The following NXNL2 variants were observed in gnomAD, a reference collection of about 807,000 sequenced individuals.
NXNL2 encodes the protein nucleoredoxin-like protein 2.
Under a neutral mutation model 11.1 loss-of-function variants are expected in NXNL2, and 7 were observed. The ratio of observed to expected loss-of-function variants is 0.63; its 90% confidence interval spans 0.36 to 1.18. The LOEUF is 1.18. NXNL2 is among the 50% of genes most tolerant of loss of function. NXNL2 has a pLI of 0.02. For missense variants in NXNL2, 233 were observed against 217.7 expected (o/e 1.07, Z -0.44); for synonymous variants, 109 against 101.8 (o/e 1.07, Z -0.42).
downstream of NXNL2, among the ~76,000 whole-genome samples, chr9:88,546,970 G>A (rs112627118): frequency 1.2e-4 from 18 of 151,928 alleles, no homozygotes; most frequent in East Asian, 1.9e-4. Context: ...TATTTTTTCC[G>A]TGTGTACACA....
At chr9:88,542,606 T>C (rs1304950299) in intron 1 of NXNL2, among the ~76,000 whole-genome samples, 1 of 152,194 alleles carries the variant, frequency 6.6e-6, no homozygotes, top group African/African-American at 2.4e-5. Context: ...TGGTTTCTTA[T>C]TGGTTTCCAA....
At chr9:88,568,789 G>A (rs1429366511) in intron 1 of NXNL2, among the ~76,000 whole-genome samples, 2 of 152,066 alleles carry the variant, frequency 1.3e-5, no homozygotes, top group Non-Finnish European at 1.5e-5. Flanking sequence ...GAATCCTGTT[G>A]TTTTTACATG....
chr9:88,576,812 G>A (rs919645560), downstream of NXNL2, among the ~76,000 whole-genome samples: 3 of 152,170 alleles, frequency 2.0e-5, no homozygotes, highest in East Asian at 1.9e-4. Context: ...TCTCTGGGAC[G>A]TAAGAGCCTG....
rs1829578689 is a variant in NXNL2 at position 88,535,311 on chromosome 9, T to C, written c.-124T>C. On this transcript the variant is annotated 5_prime_UTR_variant, in exon 1 of 2. Transcript: ENST00000375854. Reference sequence around the variant, plus strand: ...GTGTGGGCGCATCTGGGGCAGGTCTTGAGAGGTCCAGCGCCCGGTGGTGCG... The same window carrying C: ...GTGTGGGCGCATCTGGGGCAGGTCTCGAGAGGTCCAGCGCCCGGTGGTGCG... 1 of 983,052 alleles carries C rather than the reference T, an allele frequency of 1.0e-6. No homozygotes were observed. The highest frequency in any genetic ancestry group is 1.7e-5 in the African/African-American group (1 of 60,178). The allele number at this position is 983,052 out of a possible 1,614,324, so 60.9% of individuals were successfully genotyped here.
At chr9:88,569,093 A>T (rs1830222492) in intron 1 of NXNL2, among the ~76,000 whole-genome samples, 1 of 151,888 alleles carries the variant, frequency 6.6e-6, no homozygotes, top group South Asian at 2.1e-4. Context: ...CACCAGGATA[A>T]TTTTTTTGTA....
At chr9:88,541,660 G>A (rs1829764476) in intron 1 of NXNL2, among the ~76,000 whole-genome samples, 1 of 152,154 alleles carries the variant, frequency 6.6e-6, no homozygotes, top group East Asian at 1.9e-4. Flanking sequence ...TCCTATGTCA[G>A]TAATTTTTGT....
chr9:88,580,240 A>G (rs762608971), downstream of NXNL2, among the ~76,000 whole-genome samples: 1 of 146,820 alleles, frequency 6.8e-6, no homozygotes, highest in Non-Finnish European at 1.5e-5. Context: ...TACAACTTCT[A>G]CTTCCTGGGT....
At chr9:88,548,877 C>T (rs1305202546), downstream of NXNL2, among the ~76,000 whole-genome samples, 4 of 151,978 alleles carry the variant, frequency 2.6e-5, no homozygotes, top group Non-Finnish European at 5.9e-5. Context: ...TGGGGTGGAG[C>T]CCTCATAAAT....
intron 1 of NXNL2, among the ~76,000 whole-genome samples, chr9:88,539,244 A>G (rs1468512189): frequency 6.6e-6 from 1 of 152,200 alleles, no homozygotes; most frequent in Non-Finnish European, 1.5e-5. Flanking sequence ...CTGGGACCCC[A>G]TATTGTTCCT....
At position 88,544,505 on chromosome 9, in the gene NXNL2, C is replaced by G; in HGVS notation, c.429C>G (p.Asp143Glu). 2 of 1,550,576 alleles carry G rather than the reference C, an allele frequency of 1.3e-6. No individual in the cohort carries two copies. Among genetic ancestry groups the G allele is most frequent in the Non-Finnish European group, 1.7e-6 (2 of 1,146,426 alleles). ...IRERGLACFQ[D>E]WVEAADIFQN... The stretch of plus-strand genomic sequence containing the variant: ...AACGGGGGTTGGCCTGCTTCCAGGA[C>G]TGGGTGGAGGCGGCCGATATCTTCC... The change falls in exon 2 of 2, where the codon GAC becomes GAG. Residue 143 changes from aspartate (D) to glutamate (E), a missense_variant. Transcript: ENST00000375854.
intron 1 of NXNL2, among the ~76,000 whole-genome samples, chr9:88,569,768 A>C (rs947658298): frequency 2.0e-5 from 3 of 152,194 alleles, no homozygotes. Context: ...ATAGATTCTT[A>C]ATTTGAATTT....
chr9:88,535,766 C>A lies in NXNL2; in HGVS notation c.302+30C>A, dbSNP rs542959555. On this transcript the variant is annotated intron_variant, in intron 1 of 1. Transcript: ENST00000375854. ...GTGGGGGTCCTGGGGGGGCGGGGGC[C>A]GCCCGGCACGTCTCCCCCATGTTCC... 9.4e-5 allele frequency: 142 copies of A among 1,508,354 alleles called. 2 individuals are homozygous for A. The South Asian group carries it at 1.8e-3, about 19-fold the overall frequency. The allele number at this position is 1,508,354 out of a possible 1,614,324, so 93.4% of individuals were successfully genotyped here. A position where few individuals can be genotyped will look rare whatever the true frequency, so the allele number is the denominator to read the frequency against.
Position 88,535,753 on chromosome 9 carries a change from G to GGGGGGC in NXNL2, c.302+24_302+29dup, listed in dbSNP as rs1564064825. 1.3e-6 allele frequency: 2 copies of GGGGGGC among 1,533,140 alleles called. No homozygotes were observed. The highest frequency in any genetic ancestry group is 2.5e-5 in the South Asian group (2 of 79,308). 95.0% of individuals were successfully genotyped at this position (1,533,140 alleles called of 1,614,324 possible). A position where few individuals can be genotyped will look rare whatever the true frequency, so the allele number is the denominator to read the frequency against. On this transcript the variant is annotated intron_variant, in intron 1 of 1. Coordinates refer to ENST00000375854, the MANE Select transcript of NXNL2 (RefSeq NM_001161625.2). ...CTACCGGCAGTGAGTGGGGGTCCTG[G>GGGGGGC]GGGGGCGGGGGCCGCCCGGCACGTC...
At chr9:88,570,585 C>T (rs977288727) in intron 1 of NXNL2, among the ~76,000 whole-genome samples, 31 of 151,276 alleles carry the variant, frequency 2.0e-4, no homozygotes, top group African/African-American at 7.3e-4. Flanking sequence ...ATGATCACAC[C>T]TATCTCATAA....
At chr9:88,581,997 C>T (rs989699814) in intron 1 of NXNL2, among the ~76,000 whole-genome samples, 3 of 152,174 alleles carry the variant, frequency 2.0e-5, no homozygotes, top group African/African-American at 4.8e-5. Context: ...TTATGGACTT[C>T]GGCTTCCTCT....
intron 1 of NXNL2, among the ~76,000 whole-genome samples, chr9:88,581,365 G>A (rs906441913): frequency 3.3e-5 from 5 of 152,164 alleles, no homozygotes; most frequent in Admixed American, 6.5e-5. Context: ...CAAAGACAAA[G>A]GCAATGCTAC....
At chr9:88,578,391 G>A (rs542951264), downstream of NXNL2, among the ~76,000 whole-genome samples, 1 of 152,344 alleles carries the variant, frequency 6.6e-6, no homozygotes, top group Non-Finnish European at 1.5e-5. Context: ...ACAAATGTGT[G>A]AATTTGGATA....
chr9:88,576,360 C>T (rs1830348762), downstream of NXNL2, among the ~76,000 whole-genome samples: 1 of 152,356 alleles, frequency 6.6e-6, no homozygotes, highest in South Asian at 2.1e-4. Flanking sequence ...CTGCTTCTTT[C>T]TCACGTTGGG....
At chr9:88,550,742 C>T (rs1829919393) in intron 1 of NXNL2, among the ~76,000 whole-genome samples, 2 of 152,192 alleles carry the variant, frequency 1.3e-5, no homozygotes, top group Non-Finnish European at 2.9e-5. Flanking sequence ...ACAGTGGTCA[C>T]AGTTCAGTCC....
Sources: gnomAD v4.1 joint callset for allele counts (sites outside exome capture counted in the v4.1 genomes callset) on GRCh38, gnomAD v4.1.1 for gene constraint, MANE v1.5 for transcripts, NCBI Gene and HGNC (gene_info 2026-07-23, HGNC 2026-07-21) for gene names.